Variants in RGL1 observed in about 807,000 individuals in gnomAD.
RGL1 encodes ral guanine nucleotide dissociation stimulator like 1.
RGL1 carries 24 observed loss-of-function variants against 95.2 expected under a neutral mutation model. The ratio of observed to expected loss-of-function variants is 0.25; its 90% confidence interval spans 0.18 to 0.35. The LOEUF is 0.35. Ranked by LOEUF, RGL1 falls within the 10% of genes least tolerant of loss-of-function variation. RGL1 has a pLI of 1.00. For missense variants in RGL1, 715 were observed against 936.3 expected (o/e 0.76, Z 3.08); for synonymous variants, 329 against 344.9 (o/e 0.95, Z 0.51).
At chr1:183,671,600 T>TAAC (rs1191100256) in intron 1 of RGL1, among the ~76,000 whole-genome samples, 1 of 152,002 alleles carries the variant, frequency 6.6e-6, no homozygotes, top group East Asian at 1.9e-4. Context: ...TGGGACTCTG[T>TAAC]AGTTTCTTCA....
intron 2 of RGL1, among the ~76,000 whole-genome samples, chr1:183,836,489 G>A (rs1417908036): frequency 2.0e-5 from 3 of 151,444 alleles, no homozygotes; most frequent in Non-Finnish European, 2.9e-5. Flanking sequence ...GGATGATCTC[G>A]AACTCCTGAC....
At chr1:183,651,959 A>G (rs2102001131) in intron 1 of RGL1, among the ~76,000 whole-genome samples, 1 of 152,286 alleles carries the variant, frequency 6.6e-6, no homozygotes, top group Non-Finnish European at 1.5e-5. Context: ...GCTTTTTAAT[A>G]TTGTGCCCTT....
At chr1:183,809,906 A>G (rs1444554646) in intron 2 of RGL1, among the ~76,000 whole-genome samples, 5 of 152,208 alleles carry the variant, frequency 3.3e-5, no homozygotes, top group Non-Finnish European at 7.3e-5. Flanking sequence ...GTAGCGAGCC[A>G]TGATTGCACC....
At chr1:183,844,525 T>G (rs1236984389) in intron 2 of RGL1, among the ~76,000 whole-genome samples, 1 of 152,222 alleles carries the variant, frequency 6.6e-6, no homozygotes, top group Admixed American at 6.5e-5. Flanking sequence ...TAAAGAGATA[T>G]CATTGACTTT....
intron 2 of RGL1, among the ~76,000 whole-genome samples, chr1:183,784,148 T>A (rs1157864161): frequency 1.3e-5 from 2 of 152,130 alleles, no homozygotes; most frequent in Non-Finnish European, 2.9e-5. Flanking sequence ...CCTCGAGGAT[T>A]GATCAGGAAC....
At chr1:183,650,247 T>C (rs1650623205) in intron 1 of RGL1, among the ~76,000 whole-genome samples, 1 of 142,290 alleles carries the variant, frequency 7.0e-6, no homozygotes, top group Non-Finnish European at 1.5e-5. Flanking sequence ...TCCCATGTTA[T>C]TAAAAATAAT....
upstream of RGL1, among the ~76,000 whole-genome samples, chr1:183,801,829 G>T (rs1661009538): frequency 6.6e-6 from 1 of 152,134 alleles, no homozygotes; most frequent in Admixed American, 6.5e-5. Flanking sequence ...GAGAGAGATG[G>T]GGGTCATACT....
At chr1:183,721,123 A>G (rs1273517193) in intron 1 of RGL1, among the ~76,000 whole-genome samples, 1 of 152,134 alleles carries the variant, frequency 6.6e-6, no homozygotes, top group African/African-American at 2.4e-5. Flanking sequence ...TCTGTTTCCA[A>G]CCAATTATTG....
At chr1:183,830,464 G>C (rs950790810) in intron 2 of RGL1, among the ~76,000 whole-genome samples, 1 of 152,168 alleles carries the variant, frequency 6.6e-6, no homozygotes, top group Non-Finnish European at 1.5e-5. Context: ...ATAGCTGGTT[G>C]ATTAGATTGT....
intron 3 of RGL1, among the ~76,000 whole-genome samples, chr1:183,857,326 A>G (rs562368111): frequency 6.6e-6 from 1 of 152,294 alleles, no homozygotes; most frequent in African/African-American, 2.4e-5. Context: ...CCCTGACAAC[A>G]CCTTGATTTT....
chr1:183,805,971 C>CTTTTCTTTTTTTTTTTT (rs1661282214), intron 1 of RGL1, among the ~76,000 whole-genome samples: 3 of 74,668 alleles, frequency 4.0e-5, no homozygotes, highest in African/African-American at 1.5e-4. Context: ...CTTTTCTTTT[C>CTTTTCTTTTTTTTTTTT]TTTTTTTTTT....
At chr1:183,714,860 C>A (rs540343979) in intron 1 of RGL1, among the ~76,000 whole-genome samples, 7 of 152,120 alleles carry the variant, frequency 4.6e-5, no homozygotes, top group African/African-American at 1.7e-4. Context: ...CATGAAGACC[C>A]GTTGCTCACA....
chr1:183,698,045 A>G (rs4388653), intron 1 of RGL1, among the ~76,000 whole-genome samples: 97,049 of 152,044 alleles, frequency 0.64, 31,117 homozygotes, highest in East Asian at 0.79. Context: ...CTTCTGTCAA[A>G]TGATTCCATC....
chr1:183,845,155 A>G (rs902245051), intron 2 of RGL1, among the ~76,000 whole-genome samples: 1 of 147,008 alleles, frequency 6.8e-6, no homozygotes, highest in African/African-American at 2.6e-5. Context: ...GACTATTTCA[A>G]TTTAGGAAAT....
At chr1:183,813,720 C>A (rs1661881671) in intron 2 of RGL1, among the ~76,000 whole-genome samples, 2 of 152,192 alleles carry the variant, frequency 1.3e-5, no homozygotes, top group Non-Finnish European at 2.9e-5. Context: ...TCTTCCTACA[C>A]AATGTGTTTA....
chr1:183,840,294 G>A (rs1452466743), intron 2 of RGL1, among the ~76,000 whole-genome samples: 1 of 152,192 alleles, frequency 6.6e-6, no homozygotes, highest in Non-Finnish European at 1.5e-5. Flanking sequence ...TAGGATAAGA[G>A]GGGGTTCTAG....
At chr1:183,837,888 C>A (rs1341219846) in intron 2 of RGL1, among the ~76,000 whole-genome samples, 1 of 152,172 alleles carries the variant, frequency 6.6e-6, no homozygotes, top group African/African-American at 2.4e-5. Flanking sequence ...GTGCAGTTCA[C>A]AATAGGCTTG....
chr1:183,891,877 T>A (rs1572563104), intron 8 of RGL1, among the ~76,000 whole-genome samples, 200 bp from the exon 9 acceptor site: 1 of 150,776 alleles, frequency 6.6e-6, no homozygotes, highest in Non-Finnish European at 1.5e-5. Flanking sequence ...TCCACAGGGG[T>A]GGCCAAGTCC....
chr1:183,664,010 C>T (rs1651852153), intron 1 of RGL1, among the ~76,000 whole-genome samples: 1 of 135,714 alleles, frequency 7.4e-6, no homozygotes, highest in South Asian at 2.3e-4. Context: ...GGGAATTGAA[C>T]AATGAGAACA....
Sources: allele counts gnomAD v4.1 joint callset (sites outside exome capture counted in the v4.1 genomes callset), GRCh38; gene constraint gnomAD v4.1.1; transcripts MANE v1.5; gene names NCBI Gene and HGNC (gene_info 2026-07-23, HGNC 2026-07-21).